PRKG1: variants seen among roughly 807,000 people sequenced by gnomAD.
The protein encoded by PRKG1 is cGMP-dependent protein kinase 1.
A neutral mutation model predicts 88.1 loss-of-function variants in PRKG1; 35 were observed. The ratio of observed to expected loss-of-function variants is 0.40; its 90% CI spans 0.30 to 0.53. The LOEUF is 0.53. Among genes scored for constraint, PRKG1 ranks in the 20% least tolerant of loss-of-function variants. The probability of loss-of-function intolerance (pLI) is 0.59; values close to 1 mark genes in which losing one functional copy is unlikely to be tolerated. For synonymous variants in PRKG1, 303 were observed against 292.5 expected (o/e 1.04, Z -0.37); for missense variants, 540 against 839.8 (o/e 0.64, Z 4.41).
At chr10:51,173,879 T>A (rs1837119695) in intron 2 of PRKG1, among the ~76,000 whole-genome samples, 1 of 151,818 alleles carries the variant, frequency 6.6e-6, no homozygotes, top group Non-Finnish European at 1.5e-5. Flanking sequence ...CTATTGAGAG[T>A]GTTTTTCCTT....
chr10:52,197,013 T>A (rs1839523948), intron 9 of PRKG1, among the ~76,000 whole-genome samples: 2 of 152,168 alleles, frequency 1.3e-5, no homozygotes, highest in Admixed American at 1.3e-4. Context: ...TAATAGCAAA[T>A]GTGATGGAGA....
intron 4 of PRKG1, among the ~76,000 whole-genome samples, chr10:51,885,924 G>A (rs1219196858): frequency 1.3e-5 from 2 of 152,200 alleles, no homozygotes; most frequent in Non-Finnish European, 2.9e-5. Context: ...TGGAAGGTAT[G>A]AAATACATCT....
At chr10:51,136,522 G>T (rs941317294) in intron 1 of PRKG1, among the ~76,000 whole-genome samples, 1 of 143,218 alleles carries the variant, frequency 7.0e-6, no homozygotes, top group Non-Finnish European at 1.5e-5. Context: ...TTGGGAAGAA[G>T]AATGAGCTGG....
At chr10:52,250,643 T>C (rs1589734465) in intron 9 of PRKG1, among the ~76,000 whole-genome samples, 1 of 152,190 alleles carries the variant, frequency 6.6e-6, no homozygotes, top group Non-Finnish European at 1.5e-5. Flanking sequence ...TACTTTATTT[T>C]TGAGACAGCT....
At chr10:51,736,605 C>CTTT (rs555514944) in intron 3 of PRKG1, among the ~76,000 whole-genome samples, 2,114 of 137,646 alleles carry the variant, frequency 0.015, 69 homozygotes, top group African/African-American at 0.053. Flanking sequence ...ATCCATCTTA[C>CTTT]TTTTTTTTTT....
chr10:51,997,759 A>G (rs2133142487), intron 5 of PRKG1, among the ~76,000 whole-genome samples: 1 of 152,280 alleles, frequency 6.6e-6, no homozygotes. Context: ...TTCTATATAC[A>G]TAATCATATC....
intron 1 of PRKG1, among the ~76,000 whole-genome samples, chr10:51,055,998 G>T (rs1393953613): frequency 6.6e-6 from 1 of 152,110 alleles, no homozygotes; most frequent in Non-Finnish European, 1.5e-5. Context: ...GGAAGACTGA[G>T]CCAATCAAAT....
chr10:51,582,898 C>T (rs1838078397), intron 3 of PRKG1, among the ~76,000 whole-genome samples: 1 of 152,056 alleles, frequency 6.6e-6, no homozygotes, highest in African/African-American at 2.4e-5. Context: ...AGATTATTTG[C>T]ATAATATTGT....
At chr10:51,015,887 C>G (rs779608931) in intron 1 of PRKG1, among the ~76,000 whole-genome samples, 2 of 150,838 alleles carry the variant, frequency 1.3e-5, no homozygotes, top group Non-Finnish European at 3.0e-5. Context: ...GACTCTGTCT[C>G]GAAAAAAAGA....
intron 2 of PRKG1, among the ~76,000 whole-genome samples, chr10:51,261,468 A>G (rs950109936): frequency 1.3e-5 from 2 of 152,216 alleles, no homozygotes; most frequent in Non-Finnish European, 2.9e-5. Context: ...TAGAATTTGA[A>G]CCATTTCAGT....
intron 9 of PRKG1, among the ~76,000 whole-genome samples, chr10:52,239,178 G>C (rs1840777164): frequency 1.1e-5 from 1 of 92,580 alleles, no homozygotes; most frequent in Admixed American, 1.3e-4. Flanking sequence ...TGGTGGGGTG[G>C]GGGGAGGGGG....
intron 5 of PRKG1, among the ~76,000 whole-genome samples, chr10:51,982,978 G>A (rs908151634): frequency 2.6e-5 from 4 of 152,178 alleles, no homozygotes; most frequent in South Asian, 2.1e-4. Flanking sequence ...TGCTGGTGAC[G>A]GTGTTAATAT....
chr10:51,405,360 T>C (rs995912917), intron 2 of PRKG1, among the ~76,000 whole-genome samples: 1 of 152,080 alleles, frequency 6.6e-6, no homozygotes, highest in Admixed American at 6.5e-5. Context: ...CTTAGAGGAG[T>C]TACTTCTGTT....
At chr10:51,945,841 G>T (rs1288574183) in intron 5 of PRKG1, among the ~76,000 whole-genome samples, 1 of 151,708 alleles carries the variant, frequency 6.6e-6, no homozygotes, top group Non-Finnish European at 1.5e-5. Flanking sequence ...AGTCTGATGG[G>T]CTTCTCTTTG....
chr10:51,374,093 A>ATATATATATATATATATATATATATATAT (rs1554801054), intron 2 of PRKG1, among the ~76,000 whole-genome samples: 50 of 100,098 alleles, frequency 5.0e-4, no homozygotes, highest in Non-Finnish European at 6.0e-4. Flanking sequence ...AAAAAAAAAA[A>ATATATATATATATATATATATATATATAT]ATATATATAT....
chr10:51,908,841 T>G (rs1442952565), intron 5 of PRKG1: 1 of 152,040 alleles, frequency 6.6e-6, no homozygotes, highest in African/African-American at 2.4e-5. Flanking sequence ...GTCATTCTCC[T>G]GACTCGGCCT....
chr10:51,731,741 G>C (rs2132471939), intron 3 of PRKG1, among the ~76,000 whole-genome samples: 1 of 152,260 alleles, frequency 6.6e-6, no homozygotes, highest in East Asian at 1.9e-4. Context: ...AGAGAGATTT[G>C]GAAGCTATGT....
chr10:51,148,000 T>C (rs1845981590), intron 1 of PRKG1, among the ~76,000 whole-genome samples: 2 of 152,210 alleles, frequency 1.3e-5, no homozygotes, highest in Non-Finnish European at 2.9e-5. Flanking sequence ...GAAAAGTTGT[T>C]AGGCAAGAAA....
At chr10:51,951,822 T>G (rs1843192355) in intron 5 of PRKG1, among the ~76,000 whole-genome samples, 1 of 152,160 alleles carries the variant, frequency 6.6e-6, no homozygotes, top group African/African-American at 2.4e-5. Flanking sequence ...TGGTCAAAAA[T>G]AGCTCAAAGG....
Sources: gnomAD v4.1 joint callset for allele counts (sites outside exome capture counted in the v4.1 genomes callset) on GRCh38, gnomAD v4.1.1 for gene constraint, MANE v1.5 for transcripts, NCBI Gene and HGNC (gene_info 2026-07-23, HGNC 2026-07-21) for gene names.